The following ANKRD42 variants were observed in gnomAD, a reference collection of about 807,000 sequenced individuals.
The protein encoded by ANKRD42 is ankyrin repeat domain 42.
A neutral mutation model predicts 51.5 loss-of-function variants in ANKRD42; 43 were observed. The observed-to-expected ratio is 0.83, with a 90% CI of 0.65 to 1.08. The LOEUF (loss-of-function observed/expected upper bound fraction) is 1.08. Ranked by LOEUF, ANKRD42 falls within the 50% of genes least tolerant of loss-of-function variation. The pLI is 0.00. For missense variants in ANKRD42, 608 were observed against 629.3 expected (o/e 0.97, Z 0.36); for synonymous variants, 203 against 213.0 (o/e 0.95, Z 0.41).
intron 1 of ANKRD42, among the ~76,000 whole-genome samples, chr11:83,195,830 ACT>A (rs1183472287): frequency 7.2e-5 from 10 of 138,482 alleles, no homozygotes; most frequent in Admixed American, 2.2e-4. Flanking sequence ...TGATCTACCT[ACT>A]CTCTCTCTCT....
At chr11:83,203,336 T>C (rs1861942713) in intron 2 of ANKRD42, among the ~76,000 whole-genome samples, 1 of 152,086 alleles carries the variant, frequency 6.6e-6, no homozygotes, top group South Asian at 2.1e-4. Flanking sequence ...CAAAAGATTT[T>C]AGTGCTTTTC....
downstream of ANKRD42, among the ~76,000 whole-genome samples, chr11:83,251,825 T>A (rs1480868866): frequency 6.6e-6 from 1 of 152,194 alleles, no homozygotes; most frequent in Non-Finnish European, 1.5e-5. Flanking sequence ...TCAAGATATG[T>A]CTTAAATTGG....
rs1863593338 is a variant in ANKRD42 at position 83,247,992 on chromosome 11, G to A, written c.1372G>A (p.Glu458Lys). The A allele has an allele frequency of 6.2e-7, 1 of 1,613,714 alleles. No homozygotes were observed. The highest frequency in any genetic ancestry group is 1.7e-5 in the Admixed American group (1 of 59,992). Reference sequence around the variant, plus strand: ...GCTGGAGTATGAACGACTACGTAGAGAAAAATTAGAATGTCAGCTTGATGA... The same window carrying A: ...GCTGGAGTATGAACGACTACGTAGAAAAAAATTAGAATGTCAGCTTGATGA... ...GQLEYERLRREKLECQLDEYR... is the reference protein window; with the variant it reads ...GQLEYERLRRKKLECQLDEYR... Residue 458 changes from glutamate to lysine, a missense_variant, in exon 11 of 11, where the codon GAA (glutamate) becomes AAA (lysine). Transcript: ENST00000533342.
At chr11:83,195,956 C>A (rs1000465480) in intron 1 of ANKRD42, among the ~76,000 whole-genome samples, 3 of 151,378 alleles carry the variant, frequency 2.0e-5, no homozygotes, top group Admixed American at 2.0e-4. Context: ...CACCATTCTT[C>A]TGCGTCAGCC....
At chr11:83,230,053 A>G (rs1355841886) in intron 7 of ANKRD42, among the ~76,000 whole-genome samples, 1 of 152,202 alleles carries the variant, frequency 6.6e-6, no homozygotes, top group African/African-American at 2.4e-5. Context: ...TATTGACTAT[A>G]GTCACCCTGT....
intron 1 of ANKRD42, 71 bp downstream of exon 1, chr11:83,194,799 G>T (rs752013943): frequency 2.8e-6 from 4 of 1,450,028 alleles, no homozygotes; most frequent in Non-Finnish European, 2.8e-6. Flanking sequence ...AACAGCCTTA[G>T]CCCTTTCTGG....
At chr11:83,203,037 G>T (rs1032521323) in intron 2 of ANKRD42, among the ~76,000 whole-genome samples, 2 of 148,606 alleles carry the variant, frequency 1.3e-5, no homozygotes, top group Admixed American at 6.8e-5. Flanking sequence ...TGTTTCCCAG[G>T]CTGGAGTGCA....
downstream of ANKRD42, among the ~76,000 whole-genome samples, chr11:83,263,041 C>G (rs1241894016): frequency 6.6e-6 from 1 of 152,080 alleles, no homozygotes; most frequent in Non-Finnish European, 1.5e-5. Context: ...CGCTAGCAAA[C>G]AGTGGAGCCG....
At chr11:83,239,018 T>C (rs1179514170) in intron 8 of ANKRD42, among the ~76,000 whole-genome samples, 1 of 151,866 alleles carries the variant, frequency 6.6e-6, no homozygotes, top group Non-Finnish European at 1.5e-5. Context: ...AAAAAAAATT[T>C]TGCATTTCTG....
intron 9 of ANKRD42, among the ~76,000 whole-genome samples, chr11:83,243,249 G>T (rs1863445455): frequency 6.6e-6 from 1 of 152,084 alleles, no homozygotes; most frequent in African/African-American, 2.4e-5. Flanking sequence ...TTTTTCATAT[G>T]CTTGTTGTCC....
At chr11:83,206,772 T>C (rs947459484) in intron 3 of ANKRD42, among the ~76,000 whole-genome samples, 1 of 152,238 alleles carries the variant, frequency 6.6e-6, no homozygotes, top group African/African-American at 2.4e-5. Context: ...TGATATTTTG[T>C]TATAGTAGTC....
chr11:83,220,183 G>A (rs934973553), intron 5 of ANKRD42, among the ~76,000 whole-genome samples: 4 of 152,304 alleles, frequency 2.6e-5, no homozygotes, highest in East Asian at 1.9e-4. Context: ...GGACCACCAC[G>A]GAAAGTGAAA....
chr11:83,248,044 G>C lies in ANKRD42; in HGVS notation c.1424G>C (p.Arg475Thr). The C allele has an allele frequency of 6.2e-7, 1 of 1,602,904 alleles. No individual in the cohort carries two copies. Among genetic ancestry groups the C allele is most frequent in the Non-Finnish European group, 8.5e-7 (1 of 1,174,112 alleles). Reference sequence around the variant, plus strand: ...TATCGAGCAGAAGTTGATCAACTCAGGGAAACACTGGAAAAAATTCAAGTC... The same window carrying C: ...TATCGAGCAGAAGTTGATCAACTCACGGAAACACTGGAAAAAATTCAAGTC... Reference protein sequence around the residue: ...DEYRAEVDQLRETLEKIQVPN... With the variant: ...DEYRAEVDQLTETLEKIQVPN... The change falls in exon 11 of 11, where the codon AGG becomes ACG. Residue 475 changes from arginine to threonine, a missense_variant. Arg to Thr is a moderately conservative substitution (Grantham distance 71). Transcript: ENST00000533342.
At chr11:83,260,697 A>C (rs950808135), downstream of ANKRD42, 4 of 152,206 alleles carry the variant, frequency 2.6e-5, no homozygotes, top group African/African-American at 4.8e-5. Flanking sequence ...CAAAATGTTT[A>C]CTTTCTGGTC....
chr11:83,214,538 T>A lies in ANKRD42; in HGVS notation c.586+3108T>A, dbSNP rs920012339. 30 of 982,930 alleles carry A rather than the reference T, an allele frequency of 3.1e-5. No homozygotes were observed. The Admixed American group carries it at 1.8e-3, about 58-fold the overall frequency. The allele number at this position is 982,930 out of a possible 1,614,324, so 60.9% of individuals were successfully genotyped here. ...TAATAATATAGATGTTAAGAAAGAA[T>A]GTGGCCTTAGGTCTAGACTGCTTGT... On this transcript the variant is annotated intron_variant, in intron 5 of 10. Coordinates refer to ENST00000533342, the MANE Select transcript of ANKRD42 (RefSeq NM_001300975.2).
At chr11:83,240,393 G>C (rs1863350709) in intron 8 of ANKRD42, among the ~76,000 whole-genome samples, 1 of 152,176 alleles carries the variant, frequency 6.6e-6, no homozygotes, top group Admixed American at 6.5e-5. Context: ...ATTAGGCCAA[G>C]AAAAGGCAAT....
intron 2 of ANKRD42, among the ~76,000 whole-genome samples, chr11:83,205,433 T>G (rs1014987541): frequency 1.3e-5 from 2 of 152,220 alleles, no homozygotes; most frequent in Non-Finnish European, 2.9e-5. Context: ...ATCAATTCTT[T>G]TAAAAAGGAA....
At chr11:83,200,999 T>A (rs1332675917) in intron 2 of ANKRD42, among the ~76,000 whole-genome samples, 1 of 152,158 alleles carries the variant, frequency 6.6e-6, no homozygotes, top group Non-Finnish European at 1.5e-5. Flanking sequence ...TTTTTTTTAA[T>A]ACTTTAAGTT....
At position 83,242,567 on chromosome 11, in the gene ANKRD42, G is replaced by GTTTTTTTTTTTTTTTTTTTT. The variant is rs539259244; in HGVS notation, c.1195+1651_1195+1652insTTTTTTTTTTTTTTTTTTTT. ...GGGGAATTCGGTGAATGGTAGTTAA[G>GTTTTTTTTTTTTTTTTTTTT]TTTTTTTTTTTTTTTTTTAGATGGA... On this transcript the variant is annotated intron_variant, in intron 9 of 10. Coordinates refer to ENST00000533342, the MANE Select transcript of ANKRD42 (RefSeq NM_001300975.2). Among the ~76,000 whole-genome samples, 202 of 115,520 alleles carry GTTTTTTTTTTTTTTTTTTTT rather than the reference G, an allele frequency of 1.7e-3. 16 individuals carry two copies. The highest frequency in any genetic ancestry group is 4.2e-3 in the African/African-American group (121 of 28,914). 75.8% of individuals were successfully genotyped at this position (115,520 alleles called of 152,430 possible). A position where few individuals can be genotyped will look rare whatever the true frequency, so the allele number is the denominator to read the frequency against.
Sources: gnomAD v4.1 joint callset for allele counts (sites outside exome capture counted in the v4.1 genomes callset) on GRCh38, gnomAD v4.1.1 for gene constraint, MANE v1.5 for transcripts, NCBI Gene and HGNC (gene_info 2026-07-23, HGNC 2026-07-21) for gene names.